RRP15: variants seen among roughly 807,000 people sequenced by gnomAD.
The protein encoded by RRP15 is ribosomal RNA processing 15 homolog.
A neutral mutation model predicts 27.1 loss-of-function variants in RRP15; 18 were observed. The ratio of observed to expected loss-of-function variants is 0.66; its 90% CI spans 0.46 to 0.98. The LOEUF (loss-of-function observed/expected upper bound fraction) is 0.98, where lower values mean the gene tolerates loss of function less well. Among genes scored for constraint, RRP15 ranks in the 50% least tolerant of loss-of-function variants. RRP15 has a pLI of 0.00. For synonymous variants in RRP15, 107 were observed against 109.4 expected (o/e 0.98, Z 0.14); for missense variants, 359 against 337.8 (o/e 1.06, Z -0.49).
intron 4 of RRP15, among the ~76,000 whole-genome samples, chr1:218,327,834 T>C (rs1378406989): frequency 6.6e-6 from 1 of 152,236 alleles, no homozygotes; most frequent in African/African-American, 2.4e-5. Flanking sequence ...ATATTAGATT[T>C]TCTAAAATCT....
Position 218,302,300 on chromosome 1 carries a change from G to A in RRP15, c.146G>A (p.Cys49Tyr). Residue 49 changes from cysteine (C) to tyrosine (Y), a missense_variant, in exon 2 of 5, where the codon TGT becomes TAT. Transcript: ENST00000366932. The stretch of plus-strand genomic sequence containing the variant: ...TTACTCTTTGGTTCTATAGGAAGCT[G>A]TGGATCGGAAAAGGACCACTTTTAT... Reference protein sequence around the residue: ...ATDTSDSEGSCGSEKDHFYSD... With the variant: ...ATDTSDSEGSYGSEKDHFYSD... 6.2e-7 allele frequency: 1 copy of A among 1,612,052 alleles called. No homozygotes were observed. The highest frequency in any genetic ancestry group is 8.5e-7 in the Non-Finnish European group (1 of 1,178,608).
At chr1:218,302,746 T>C in intron 2 of RRP15, 187 bp downstream of exon 2, 1 of 875,762 alleles carries the variant, frequency 1.1e-6, no homozygotes, top group South Asian at 2.1e-5. Context: ...GCATGTTCAC[T>C]TTTTAATCAT....
At chr1:218,310,450 G>A (rs1571801709) in intron 4 of RRP15, among the ~76,000 whole-genome samples, 1 of 152,206 alleles carries the variant, frequency 6.6e-6, no homozygotes, top group Middle Eastern at 3.4e-3. Flanking sequence ...TGACATTAAA[G>A]TCTTATGTTC....
rs374023952 is a variant in RRP15, at chr1:218,313,214, C to T, written c.705+5582C>T. Among the ~76,000 whole-genome samples, 20 of 152,166 alleles carry T rather than the reference C, an allele frequency of 1.3e-4. No individual in the cohort carries two copies. In the East Asian group the frequency reaches 3.3e-3, roughly 25 times the overall value. ...CATTATTTTTAAGGAAAAGAAAGGG[C>T]TGAAGGATGGTCAGAAGACCAATTA... On this transcript the variant is annotated intron_variant, in intron 4 of 4. Transcript: ENST00000366932.
chr1:218,294,825 G>A (rs1655695864), intron 1 of RRP15, among the ~76,000 whole-genome samples: 1 of 152,188 alleles, frequency 6.6e-6, no homozygotes, highest in Admixed American at 6.5e-5. Context: ...TGATCCTGAA[G>A]CTGCCTTGGG....
rs961983178 is a variant in RRP15 at position 218,285,515 on chromosome 1, A to C, written c.139+60A>C. ...GGAAAGGCGGGGCTGAGTTCGTGTC[A>C]AGCAGCGCTTGCGACTTCATTTGCT... On this transcript the variant is annotated intron_variant, in intron 1 of 4. Transcript: ENST00000366932. 9 of 1,604,032 alleles carry C rather than the reference A, an allele frequency of 5.6e-6. No homozygotes were observed. In the African/African-American group the frequency reaches 1.2e-4, roughly 22 times the overall value.
Position 218,307,645 on chromosome 1 carries a change from C to T in RRP15, c.705+13C>T. ...AAAAGCCAAACAGGTAAAAACTTTT[C>T]TATAGGATTCAGTGTATCAGACTTT... On this transcript the variant is annotated intron_variant, in intron 4 of 4. Coordinates refer to ENST00000366932, the MANE Select transcript of RRP15 (RefSeq NM_016052.4). 1.9e-6 allele frequency: 3 copies of T among 1,582,894 alleles called. No homozygotes were observed. Among genetic ancestry groups the T allele is most frequent in the Non-Finnish European group, 2.6e-6 (3 of 1,153,578 alleles).
chr1:218,319,665 GA>G (rs1427739875), intron 4 of RRP15, among the ~76,000 whole-genome samples: 1 of 152,102 alleles, frequency 6.6e-6, no homozygotes, highest in African/African-American at 2.4e-5. Flanking sequence ...GAGTTCAGTA[GA>G]TTTATAGTGT....
rs1184426540 is a variant in RRP15 at position 218,332,931 on chromosome 1, CTTAAT to C, written c.*1851_*1855del. On this transcript the variant is annotated 3_prime_UTR_variant, in exon 5 of 5. Coordinates refer to ENST00000366932, the MANE Select transcript of RRP15 (RefSeq NM_016052.4). ...TTTTCTCCCCAGAACTAAGATTACA[CTTAAT>C]TTAATTTAATGTGTTTCTGCGTTAT... The C allele has an allele frequency of 2.7e-5, 4 of 149,388 alleles. No individual in the cohort carries two copies. The highest frequency in any genetic ancestry group is 9.8e-5 in the African/African-American group (4 of 40,642). The allele number at this position is 149,388 out of a possible 1,614,324, so 9.3% of individuals were successfully genotyped here.
chr1:218,289,846 C>A (rs1356402260), intron 1 of RRP15, among the ~76,000 whole-genome samples: 4 of 152,188 alleles, frequency 2.6e-5, no homozygotes, highest in Admixed American at 6.5e-5. Context: ...CCACACCCAG[C>A]TAATTTTGTA....
chr1:218,308,558 T>A (rs1655939429), intron 4 of RRP15, among the ~76,000 whole-genome samples: 1 of 152,130 alleles, frequency 6.6e-6, no homozygotes, highest in Admixed American at 6.5e-5. Context: ...TGTCATAAAT[T>A]TTTTTGTTTG....
At chr1:218,324,946 C>T (rs886977977) in intron 4 of RRP15, among the ~76,000 whole-genome samples, 1 of 152,030 alleles carries the variant, frequency 6.6e-6, no homozygotes, top group Non-Finnish European at 1.5e-5. Flanking sequence ...GATATTCTTT[C>T]CTAGAGGCCT....
intron 4 of RRP15, among the ~76,000 whole-genome samples, chr1:218,323,551 G>A (rs952809909): frequency 1.8e-4 from 27 of 152,144 alleles, no homozygotes; most frequent in African/African-American, 5.6e-4. Context: ...CTGGCAGCCC[G>A]GTCCCCAGGC....
chr1:218,302,288 C>G lies in RRP15; in HGVS notation c.140-6C>G, dbSNP rs1409177027. The stretch of plus-strand genomic sequence containing the variant: ...TTTAATTTGCCTTTACTCTTTGGTT[C>G]TATAGGAAGCTGTGGATCGGAAAAG... On this transcript the variant is annotated splice_polypyrimidine_tract_variant and splice_region_variant and intron_variant, in intron 1 of 4. Transcript: ENST00000366932. The G allele has an allele frequency of 6.2e-7, 1 of 1,608,392 alleles. No individual in the cohort carries two copies. The highest frequency in any genetic ancestry group is 1.3e-5 in the African/African-American group (1 of 74,746).
chr1:218,304,928 TGA>T, intron 2 of RRP15, 98 bp from the exon 3 acceptor site: 2 of 1,104,640 alleles, frequency 1.8e-6, no homozygotes, highest in Non-Finnish European at 1.3e-6. Flanking sequence ...TAAGCCAGAA[TGA>T]TTTATTACCT....
chr1:218,299,121 A>G (rs560951959), intron 1 of RRP15, among the ~76,000 whole-genome samples: 1 of 152,274 alleles, frequency 6.6e-6, no homozygotes, highest in South Asian at 2.1e-4. Context: ...CATAGTGATA[A>G]TCTTTGATAT....
intron 1 of RRP15, among the ~76,000 whole-genome samples, chr1:218,294,708 G>A (rs1043857893): frequency 6.6e-6 from 1 of 151,770 alleles, no homozygotes; most frequent in Admixed American, 6.6e-5. Flanking sequence ...TTAAATCATC[G>A]AGGTGACTCA....
intron 1 of RRP15, among the ~76,000 whole-genome samples, chr1:218,288,199 G>A (rs1233315944): frequency 6.6e-6 from 1 of 152,210 alleles, no homozygotes; most frequent in Non-Finnish European, 1.5e-5. Flanking sequence ...AAGAGTGCCA[G>A]GACAGTTTGT....
In RRP15 at chr1:218,285,457, T is replaced by C; in HGVS notation, c.139+2T>C. 6.2e-7 allele frequency: 1 copy of C among 1,613,884 alleles called. No homozygotes were observed. Among genetic ancestry groups the C allele is most frequent in the Non-Finnish European group, 8.5e-7 (1 of 1,179,964 alleles). ...CCACAGACACTTCTGATAGTGAAGG[T>C]AATGTGGTAGGGCTGAGCTTTGGTG... On this transcript the variant is annotated splice_donor_variant, in intron 1 of 4. Transcript: ENST00000366932. LOFTEE classifies it high-confidence loss of function.
Sources: allele counts gnomAD v4.1 joint callset (sites outside exome capture counted in the v4.1 genomes callset), GRCh38; gene constraint gnomAD v4.1.1; transcripts MANE v1.5; gene names NCBI Gene and HGNC (gene_info 2026-07-23, HGNC 2026-07-21).